CADPS2: variants seen among roughly 807,000 people sequenced by gnomAD.
The protein encoded by CADPS2 is calcium dependent secretion activator 2.
CADPS2 carries 93 observed loss-of-function variants against 172.5 expected under a neutral mutation model. The ratio of observed to expected loss-of-function variants is 0.54; its 90% CI spans 0.46 to 0.64. CADPS2 has a LOEUF of 0.64. Among genes scored for constraint, CADPS2 ranks in the 30% least tolerant of loss-of-function variants. The pLI is 0.00. For missense variants in CADPS2, 1,420 were observed against 1,565.9 expected, an observed-to-expected ratio of 0.91 and a Z score of 1.57; for synonymous variants, 546 against 555.2, an observed-to-expected ratio of 0.98 and a Z score of 0.23.
chr7:122,431,145 G>T (rs1003027340), intron 17 of CADPS2, among the ~76,000 whole-genome samples: 1 of 152,182 alleles, frequency 6.6e-6, no homozygotes, highest in Non-Finnish European at 1.5e-5. Context: ...TTTAGTAATT[G>T]GTTTGAAAGA....
chr7:122,376,677 T>C (rs548856304), intron 25 of CADPS2, among the ~76,000 whole-genome samples: 2 of 152,230 alleles, frequency 1.3e-5, no homozygotes, highest in East Asian at 3.9e-4. Context: ...AAAACAACAC[T>C]ATTTGCTAAG....
At position 122,623,559 on chromosome 7, in the gene CADPS2, A is replaced by G. The variant is rs548200290; in HGVS notation, c.868-1842T>C. 1.7e-4 allele frequency among the ~76,000 whole-genome samples: 26 copies of G among 152,330 alleles called. No homozygotes were observed. In the East Asian group the frequency reaches 4.6e-3, roughly 27 times the overall value. The stretch of plus-strand genomic sequence containing the variant: ...AACTGTGTCTGAAAGAGGTGCAAAT[A>G]AAGTTTGGTGAATAATATAACCCAC... On this transcript the variant is annotated intron_variant, in intron 4 of 29. Coordinates refer to ENST00000449022, the MANE Select transcript of CADPS2 (RefSeq NM_017954.11).
chr7:122,478,467 G>A (rs773634771), intron 12 of CADPS2, among the ~76,000 whole-genome samples: 33 of 152,184 alleles, frequency 2.2e-4, no homozygotes, highest in Non-Finnish European at 2.4e-4. Flanking sequence ...ATGCTCGAGC[G>A]TCTTTAGGTG....
At chr7:122,698,208 G>C in intron 2 of CADPS2, 1 of 1,613,864 alleles carries the variant, frequency 6.2e-7, no homozygotes, top group Non-Finnish European at 8.5e-7. Flanking sequence ...CTCGAAGTTG[G>C]AGTTGTCCAA....
chr7:122,408,722 T>C (rs2046967045), intron 19 of CADPS2, among the ~76,000 whole-genome samples: 2 of 152,246 alleles, frequency 1.3e-5, no homozygotes, highest in South Asian at 4.1e-4. Flanking sequence ...CCACGGCACC[T>C]GGCTTCAAAT....
chr7:122,513,961 G>A (rs553287076), intron 8 of CADPS2, among the ~76,000 whole-genome samples: 1 of 152,278 alleles, frequency 6.6e-6, no homozygotes, highest in South Asian at 2.1e-4. Flanking sequence ...GTTTTACATA[G>A]TTTCAACCAT....
At chr7:122,724,040 A>AG (rs1021690248) in intron 2 of CADPS2, among the ~76,000 whole-genome samples, 3 of 94,524 alleles carry the variant, frequency 3.2e-5, no homozygotes, top group Admixed American at 2.3e-4. Context: ...GGGTGGAGGG[A>AG]GGGGGGAGGG....
intron 24 of CADPS2, among the ~76,000 whole-genome samples, chr7:122,381,400 T>C (rs895593426): frequency 1.1e-4 from 17 of 152,268 alleles, no homozygotes; most frequent in African/African-American, 3.4e-4. Context: ...ATGCAGGCAT[T>C]GAGGCACCCA....
chr7:122,624,665 A>G lies in CADPS2; in HGVS notation c.868-2948T>C, dbSNP rs186445297. ...ATATTGGTATTCTCTCTTCCTTTCA[A>G]TTCAAATATGCCTTTGAGTGGGAGA... On this transcript the variant is annotated intron_variant, in intron 4 of 29. Coordinates refer to ENST00000449022, the MANE Select transcript of CADPS2 (RefSeq NM_017954.11). 7.9e-5 allele frequency among the ~76,000 whole-genome samples: 12 copies of G among 152,328 alleles called. No individual in the cohort carries two copies. The East Asian group carries it at 1.9e-3, about 24-fold the overall frequency.
intron 14 of CADPS2, among the ~76,000 whole-genome samples, chr7:122,456,982 T>A (rs2053864160): frequency 6.6e-6 from 1 of 152,204 alleles, no homozygotes; most frequent in Non-Finnish European, 1.5e-5. Context: ...TGATTATCAA[T>A]TCCTCCTGTA....
At chr7:122,699,002 A>C in intron 2 of CADPS2, 1 of 986,596 alleles carries the variant, frequency 1.0e-6, no homozygotes, top group East Asian at 2.5e-5. Context: ...AAGAGAAAAA[A>C]ATCTTCAGGA....
intron 13 of CADPS2, among the ~76,000 whole-genome samples, chr7:122,473,271 C>T (rs537436345): frequency 1.3e-5 from 2 of 152,208 alleles, no homozygotes; most frequent in African/African-American, 4.8e-5. Flanking sequence ...GTTTCTGTAC[C>T]TTACTTCTGT....
intron 1 of CADPS2, among the ~76,000 whole-genome samples, chr7:122,768,758 T>C (rs13235728): frequency 0.19 from 29,507 of 152,080 alleles, 2,974 homozygotes; most frequent in Middle Eastern, 0.3. Context: ...AAATATTTTC[T>C]CTTTTATGTC....
chr7:122,810,795 T>A (rs1240226212), intron 1 of CADPS2, among the ~76,000 whole-genome samples: 1 of 152,172 alleles, frequency 6.6e-6, no homozygotes, highest in East Asian at 1.9e-4. Flanking sequence ...GGTCTCACTA[T>A]GTTGCCTAGG....
intron 28 of CADPS2, chr7:122,338,812 A>C (rs2036308947): frequency 1.3e-5 from 2 of 152,278 alleles, no homozygotes; most frequent in South Asian, 2.1e-4. Flanking sequence ...CCTAGGCTGT[A>C]GTACAGTGTG....
At chr7:122,470,852 G>C (rs528047950) in intron 14 of CADPS2, among the ~76,000 whole-genome samples, 1 of 152,106 alleles carries the variant, frequency 6.6e-6, no homozygotes, top group Non-Finnish European at 1.5e-5. Flanking sequence ...CAACATTAGG[G>C]AATTTTTATG....
At chr7:122,722,103 C>G (rs1010100297) in intron 2 of CADPS2, among the ~76,000 whole-genome samples, 2 of 152,078 alleles carry the variant, frequency 1.3e-5, no homozygotes, top group Non-Finnish European at 2.9e-5. Flanking sequence ...TGGGCAAAAA[C>G]TGGAAGCATT....
chr7:122,335,147 A>G (rs909500742), intron 28 of CADPS2, among the ~76,000 whole-genome samples: 19 of 152,338 alleles, frequency 1.2e-4, no homozygotes, highest in African/African-American at 4.6e-4. Flanking sequence ...TGTTTTCTAG[A>G]TCTTCTAATG....
At chr7:122,779,282 G>C (rs183659608) in intron 1 of CADPS2, among the ~76,000 whole-genome samples, 1 of 152,164 alleles carries the variant, frequency 6.6e-6, no homozygotes, top group Admixed American at 6.5e-5. Flanking sequence ...CACACTTTAG[G>C]TGGGACAGCT....
Sources: gnomAD v4.1 joint callset for allele counts (sites outside exome capture counted in the v4.1 genomes callset) on GRCh38, gnomAD v4.1.1 for gene constraint, MANE v1.5 for transcripts, NCBI Gene and HGNC (gene_info 2026-07-23, HGNC 2026-07-21) for gene names.